The following MAGI2 variants were observed in gnomAD, a reference collection of about 807,000 sequenced individuals.
MAGI2 encodes membrane associated guanylate kinase, WW and PDZ domain containing 2.
MAGI2 carries 35 observed loss-of-function variants against 133.3 expected under a neutral mutation model. That is an observed-to-expected ratio of 0.26 (90% CI 0.20 to 0.35). The LOEUF (loss-of-function observed/expected upper bound fraction) is 0.35, where lower values mean the gene tolerates loss of function less well. Ranked by LOEUF, MAGI2 falls within the 10% of genes least tolerant of loss-of-function variation. The pLI is 1.00. For synonymous variants in MAGI2, 729 were observed against 710.6 expected, an observed-to-expected ratio of 1.03 and a Z score of -0.41; for missense variants, 1,636 against 1,863.4, an observed-to-expected ratio of 0.88 and a Z score of 2.25.
At chr7:79,111,519 A>G (rs911149181) in intron 1 of MAGI2, among the ~76,000 whole-genome samples, 2 of 152,206 alleles carry the variant, frequency 1.3e-5, no homozygotes, top group Non-Finnish European at 1.5e-5. Context: ...TGAGACAACA[A>G]TAATTAGGAT....
intron 20 of MAGI2, among the ~76,000 whole-genome samples, chr7:78,099,885 T>C (rs906997107): frequency 2.0e-5 from 3 of 152,212 alleles, no homozygotes; most frequent in African/African-American, 7.2e-5. Context: ...ATGATAATAG[T>C]GTGGTCAATT....
intron 21 of MAGI2, among the ~76,000 whole-genome samples, chr7:78,070,198 TATATATATATATATATATATAC>T (rs1814408496): frequency 5.9e-5 from 2 of 33,864 alleles, no homozygotes; most frequent in African/African-American, 1.3e-4. Flanking sequence ...TATATATATA[TATATATATATATATATATATAC>T]ACACACACAC....
In MAGI2 at chr7:79,453,513, G is replaced by A. The variant is rs1001347807; in HGVS notation, c.-193C>T. The A allele has an allele frequency of 2.2e-6, 3 of 1,393,578 alleles. No homozygotes were observed. Among genetic ancestry groups the A allele is most frequent in the South Asian group, 1.7e-5 (1 of 58,964 alleles). 86.3% of individuals were successfully genotyped at this position (1,393,578 alleles called of 1,614,324 possible). On this transcript the variant is annotated 5_prime_UTR_variant, in exon 1 of 22. Coordinates refer to ENST00000354212, the MANE Select transcript of MAGI2 (RefSeq NM_012301.4). The stretch of plus-strand genomic sequence containing the variant: ...AGGAATGGGGAGGATGAGAGGGACG[G>A]CTGGGCAGAGGTAGGAGAGCTTGGA...
intron 2 of MAGI2, among the ~76,000 whole-genome samples, chr7:78,997,883 A>G (rs986397029): frequency 1.3e-5 from 2 of 152,214 alleles, no homozygotes; most frequent in African/African-American, 4.8e-5. Context: ...GTTAAATATC[A>G]TTTCATAAAG....
chr7:78,342,445 A>C lies in MAGI2; in HGVS notation c.1408+1333T>G, dbSNP rs771408443. Among the ~76,000 whole-genome samples, 261 of 152,298 alleles carry C rather than the reference A, an allele frequency of 1.7e-3. 1 individual carries two copies. Among genetic ancestry groups the C allele is most frequent in the Middle Eastern group, 3.4e-3 (1 of 294 alleles). On this transcript the variant is annotated intron_variant, in intron 9 of 21. Transcript: ENST00000354212. The stretch of plus-strand genomic sequence containing the variant: ...AACCAGAATTACCATTTGACCTAGC[A>C]ATCCCATTACTATATATATACCCAA...
chr7:79,005,708 G>A (rs1807367036), intron 2 of MAGI2, among the ~76,000 whole-genome samples: 3 of 152,062 alleles, frequency 2.0e-5, no homozygotes, highest in Admixed American at 1.3e-4. Context: ...TCACATTGCT[G>A]CACTGACAAC....
At chr7:78,784,716 C>A (rs552912555) in intron 2 of MAGI2, among the ~76,000 whole-genome samples, 1 of 152,328 alleles carries the variant, frequency 6.6e-6, no homozygotes, top group South Asian at 2.1e-4. Flanking sequence ...ACATGGATGT[C>A]TATTCTTCAT....
At chr7:79,051,045 C>G (rs1271264710) in intron 1 of MAGI2, among the ~76,000 whole-genome samples, 1 of 152,196 alleles carries the variant, frequency 6.6e-6, no homozygotes, top group Non-Finnish European at 1.5e-5. Context: ...GTGCCATTCA[C>G]AAAATACAAA....
intron 3 of MAGI2, among the ~76,000 whole-genome samples, chr7:78,561,729 A>G (rs963215781): frequency 6.6e-6 from 1 of 152,190 alleles, no homozygotes; most frequent in Non-Finnish European, 1.5e-5. Flanking sequence ...ATTTCAACCA[A>G]CGCAGGAAGC....
At chr7:78,946,849 A>G (rs1326998177) in intron 2 of MAGI2, 1 of 152,180 alleles carries the variant, frequency 6.6e-6, no homozygotes, top group African/African-American at 2.4e-5. Context: ...CCATCACCCA[A>G]AGGAATTTGT....
chr7:78,117,308 C>T (rs1819965509), intron 20 of MAGI2, among the ~76,000 whole-genome samples: 1 of 151,714 alleles, frequency 6.6e-6, no homozygotes, highest in Non-Finnish European at 1.5e-5. Flanking sequence ...TTGAATTGAT[C>T]AATGCATAAA....
At chr7:78,928,690 T>A (rs555219307) in intron 2 of MAGI2, among the ~76,000 whole-genome samples, 1 of 152,232 alleles carries the variant, frequency 6.6e-6, no homozygotes, top group South Asian at 2.1e-4. Flanking sequence ...GCTTCTGCTT[T>A]GAAGATTACA....
intron 20 of MAGI2, among the ~76,000 whole-genome samples, chr7:78,080,576 G>A (rs907424900): frequency 2.6e-5 from 4 of 152,114 alleles, no homozygotes; most frequent in Admixed American, 1.3e-4. Flanking sequence ...GAATTAAACT[G>A]AAAAAGTAAA....
chr7:78,869,401 CAG>C (rs1482742713), intron 2 of MAGI2, among the ~76,000 whole-genome samples: 1 of 152,060 alleles, frequency 6.6e-6, no homozygotes, highest in African/African-American at 2.4e-5. Context: ...GATTTTTGTG[CAG>C]AGTGAGAGAT....
chr7:78,413,244 T>G (rs1022896281), intron 6 of MAGI2, among the ~76,000 whole-genome samples: 3 of 152,160 alleles, frequency 2.0e-5, no homozygotes, highest in African/African-American at 7.2e-5. Flanking sequence ...GACCAATTTA[T>G]ATGTCCAAAC....
chr7:79,013,580 C>G (rs538496442), intron 1 of MAGI2, among the ~76,000 whole-genome samples: 1 of 152,118 alleles, frequency 6.6e-6, no homozygotes, highest in Non-Finnish European at 1.5e-5. Flanking sequence ...AAATAAATCA[C>G]AAGAAAGTTG....
At chr7:78,220,342 C>T (rs946303588) in intron 10 of MAGI2, among the ~76,000 whole-genome samples, 1 of 152,168 alleles carries the variant, frequency 6.6e-6, no homozygotes. Flanking sequence ...CCGTGTCCCC[C>T]CACCCATGGT....
At chr7:78,541,770 A>G (rs73141166) in intron 3 of MAGI2, among the ~76,000 whole-genome samples, 7,716 of 152,262 alleles carry the variant, frequency 0.051, 279 homozygotes, top group South Asian at 0.09. Context: ...CCTTAATGAG[A>G]GACCAATTAA....
chr7:78,620,100 T>C (rs1034704060), intron 3 of MAGI2, among the ~76,000 whole-genome samples: 6 of 151,880 alleles, frequency 4.0e-5, no homozygotes, highest in African/African-American at 1.4e-4. Context: ...GGGGAAAAAA[T>C]GAAATCATTT....
Sources: allele counts gnomAD v4.1 joint callset (sites outside exome capture counted in the v4.1 genomes callset), GRCh38; gene constraint gnomAD v4.1.1; transcripts MANE v1.5; gene names NCBI Gene and HGNC (gene_info 2026-07-23, HGNC 2026-07-21).